PHACTR1: variants seen among roughly 807,000 people sequenced by gnomAD.
PHACTR1 encodes RPEL repeat containing 1.
PHACTR1 carries 16 observed loss-of-function variants against 69.2 expected under a neutral mutation model. That is an observed-to-expected ratio of 0.23 (90% CI 0.16 to 0.35). PHACTR1 has a LOEUF of 0.35. Ranked by LOEUF, PHACTR1 falls within the 10% of genes least tolerant of loss-of-function variation. The pLI, the probability that PHACTR1 is intolerant of heterozygous loss-of-function variation, is 1.00. For synonymous variants in PHACTR1, 312 were observed against 284.5 expected (o/e 1.10, Z -0.97); for missense variants, 510 against 734.7 (o/e 0.69, Z 3.54).
In PHACTR1 at chr6:13,287,171, G is replaced by T; in HGVS notation, c.*93G>T. On this transcript the variant is annotated 3_prime_UTR_variant, in exon 15 of 15. Coordinates refer to ENST00000332995, the MANE Select transcript of PHACTR1 (RefSeq NM_030948.6). ...TATTTATTCACTTCCCCATTACGAT[G>T]TAAATCTTCTGAACTGCCTTTTTTT... The T allele has an allele frequency of 1.6e-6, 2 of 1,237,182 alleles. No individual in the cohort carries two copies. Among genetic ancestry groups the T allele is most frequent in the African/African-American group, 1.5e-5 (1 of 64,532 alleles). The allele number at this position is 1,237,182 out of a possible 1,614,324, so 76.6% of individuals were successfully genotyped here. A position where few individuals can be genotyped will look rare whatever the true frequency, so the allele number is the denominator to read the frequency against.
At chr6:12,841,174 G>A (rs1311890524) in intron 4 of PHACTR1, among the ~76,000 whole-genome samples, 1 of 152,204 alleles carries the variant, frequency 6.6e-6, no homozygotes, top group Non-Finnish European at 1.5e-5. Flanking sequence ...TATGGTATGA[G>A]ATAAGAAAAC....
intron 4 of PHACTR1, among the ~76,000 whole-genome samples, chr6:12,839,851 G>A (rs1243010361): frequency 1.3e-5 from 2 of 152,176 alleles, no homozygotes; most frequent in Admixed American, 6.5e-5. Flanking sequence ...TGAAAACAGT[G>A]CCTGTGACTA....
chr6:12,815,348 T>C (rs1775464160), intron 4 of PHACTR1, among the ~76,000 whole-genome samples: 1 of 152,156 alleles, frequency 6.6e-6, no homozygotes, highest in Non-Finnish European at 1.5e-5. Context: ...TTCCTATCTC[T>C]GTTGAGAACC....
At chr6:12,837,613 C>G (rs999948660) in intron 4 of PHACTR1, among the ~76,000 whole-genome samples, 15 of 151,458 alleles carry the variant, frequency 9.9e-5, no homozygotes. Context: ...ATGAGACAAA[C>G]AAACCACAAA....
chr6:13,161,538 C>T (rs929304082), intron 6 of PHACTR1, among the ~76,000 whole-genome samples: 2 of 152,124 alleles, frequency 1.3e-5, no homozygotes, highest in East Asian at 3.9e-4. Flanking sequence ...ACATAATATT[C>T]TACTTTAACA....
chr6:12,781,197 A>C (rs1770775062), intron 4 of PHACTR1, among the ~76,000 whole-genome samples: 1 of 152,204 alleles, frequency 6.6e-6, no homozygotes, highest in Non-Finnish European at 1.5e-5. Flanking sequence ...GCACAGACCT[A>C]GAGGCATCCC....
chr6:13,164,552 C>T (rs183465650), intron 6 of PHACTR1, among the ~76,000 whole-genome samples: 10 of 152,246 alleles, frequency 6.6e-5, no homozygotes, highest in African/African-American at 2.4e-4. Context: ...CTGTTTGTGC[C>T]GCAGTTATGC....
In PHACTR1 at chr6:13,230,047, C is replaced by A. The variant is rs1036724533; in HGVS notation, c.1245C>A (p.Ala415=). Residue 415 remains alanine (A), a synonymous_variant, in exon 10 of 15, where the codon GCC becomes GCA. Transcript: ENST00000332995. The part of the protein sequence containing the change: ...DDSSLYTSSL[A]MKVCRKDSLA... ...TTCTGTCTCCTACAGGCTCCCTGGCCATGAAGGTCTGCAGGAAGGACTCCT... is the reference window on the plus strand; with the variant it reads ...TTCTGTCTCCTACAGGCTCCCTGGCAATGAAGGTCTGCAGGAAGGACTCCT... The A allele has an allele frequency of 5.0e-6, 8 of 1,609,280 alleles. No individual in the cohort carries two copies. In the African/African-American group the frequency reaches 1.1e-4, roughly 22 times the overall value.
chr6:13,045,608 T>C (rs767181040), intron 4 of PHACTR1, among the ~76,000 whole-genome samples: 8 of 152,186 alleles, frequency 5.3e-5, no homozygotes, highest in Non-Finnish European at 1.0e-4. Flanking sequence ...TTATGGATGT[T>C]CTTGTATTCT....
At chr6:12,779,795 A>G (rs2127640980) in intron 4 of PHACTR1, among the ~76,000 whole-genome samples, 1 of 152,334 alleles carries the variant, frequency 6.6e-6, no homozygotes. Context: ...GCAGCTATAT[A>G]TACTTACATT....
intron 4 of PHACTR1, among the ~76,000 whole-genome samples, chr6:13,023,830 A>G (rs1801319235): frequency 6.6e-6 from 1 of 152,270 alleles, no homozygotes. Context: ...TAATCCCAGC[A>G]CTTTGAGAGG....
chr6:12,849,903 AAAAT>A (rs1316409298), intron 4 of PHACTR1, among the ~76,000 whole-genome samples: 1 of 152,196 alleles, frequency 6.6e-6, no homozygotes, highest in South Asian at 2.1e-4. Flanking sequence ...TAATTTTCAG[AAAAT>A]AAATAAAGCC....
chr6:12,938,376 C>T (rs1789698830), intron 4 of PHACTR1, among the ~76,000 whole-genome samples: 1 of 152,108 alleles, frequency 6.6e-6, no homozygotes, highest in African/African-American at 2.4e-5. Flanking sequence ...GCCCAGCCAC[C>T]TCTCTATGTT....
chr6:12,849,559 G>A (rs1382480897), intron 4 of PHACTR1, among the ~76,000 whole-genome samples: 1 of 152,164 alleles, frequency 6.6e-6, no homozygotes, highest in African/African-American at 2.4e-5. Context: ...GCCTGGGGCT[G>A]GCACAGAGTC....
intron 4 of PHACTR1, among the ~76,000 whole-genome samples, chr6:12,936,723 A>T (rs891399998): frequency 6.6e-6 from 1 of 152,264 alleles, no homozygotes; most frequent in African/African-American, 2.4e-5. Context: ...AAGGCAGGAG[A>T]CTGCAAGCAG....
intron 4 of PHACTR1, among the ~76,000 whole-genome samples, chr6:12,877,134 G>A (rs950634394): frequency 2.6e-5 from 4 of 152,140 alleles, no homozygotes; most frequent in East Asian, 1.9e-4. Flanking sequence ...TGTAGAAACG[G>A]TGTTTACTCT....
Position 13,125,605 on chromosome 6 carries a change from A to G in PHACTR1, c.416-34599A>G, listed in dbSNP as rs114116632. ...AAAGAATTTAAATTAAAAATCCCCA[A>G]TATCTAGTGGTATATTTCTTGTGCT... On this transcript the variant is annotated intron_variant, in intron 5 of 14. Coordinates refer to ENST00000332995, the MANE Select transcript of PHACTR1 (RefSeq NM_030948.6). 1.7e-3 allele frequency among the ~76,000 whole-genome samples: 261 copies of G among 152,330 alleles called. 1 individual carries two copies. Among genetic ancestry groups the G allele is most frequent in the African/African-American group, 6.3e-3 (261 of 41,562 alleles).
At chr6:13,224,679 C>T (rs1769290657) in intron 8 of PHACTR1, among the ~76,000 whole-genome samples, 2 of 152,178 alleles carry the variant, frequency 1.3e-5, no homozygotes, top group Non-Finnish European at 2.9e-5. Context: ...TAAGATGCTG[C>T]ATTTGAGTTG....
chr6:12,853,462 G>A (rs184398895), intron 4 of PHACTR1, among the ~76,000 whole-genome samples: 111 of 152,332 alleles, frequency 7.3e-4, no homozygotes, highest in African/African-American at 2.6e-3. Flanking sequence ...TTCAAATAAT[G>A]TGCTGAGAGA....
Sources: allele counts gnomAD v4.1 joint callset (sites outside exome capture counted in the v4.1 genomes callset), GRCh38; gene constraint gnomAD v4.1.1; transcripts MANE v1.5; gene names NCBI Gene and HGNC (gene_info 2026-07-23, HGNC 2026-07-21).